Variants in PCDH9 observed in about 807,000 individuals in gnomAD.
The protein encoded by PCDH9 is protocadherin 9.
A neutral mutation model predicts 70.6 loss-of-function variants in PCDH9; 24 were observed. The observed-to-expected ratio is 0.34, with a 90% CI of 0.25 to 0.48. The LOEUF (loss-of-function observed/expected upper bound fraction) is 0.48, where lower values mean the gene tolerates loss of function less well. Ranked by LOEUF, PCDH9 falls within the 20% of genes least tolerant of loss-of-function variation. PCDH9 has a pLI of 0.99. For synonymous variants in PCDH9, 562 were observed against 558.5 expected, an observed-to-expected ratio of 1.01 and a Z score of -0.09; for missense variants, 1,281 against 1,503.6, an observed-to-expected ratio of 0.85 and a Z score of 2.45.
intron 4 of PCDH9, among the ~76,000 whole-genome samples, chr13:66,622,788 C>T (rs558621410): frequency 3.3e-5 from 5 of 152,268 alleles, no homozygotes; most frequent in East Asian, 1.9e-4. Flanking sequence ...AGTGGCAATC[C>T]GCGCTGGTGG....
intron 3 of PCDH9, among the ~76,000 whole-genome samples, chr13:66,898,981 G>C (rs1397849030): frequency 6.6e-6 from 1 of 151,910 alleles, no homozygotes; most frequent in Non-Finnish European, 1.5e-5. Context: ...CAGTTGTCTT[G>C]AATTAGGTAG....
rs1034151514 is a variant in PCDH9, at chr13:66,714,522, G to A, written c.3139-83111C>T. ...TTATAGGAATGAAGAGCAGTTTTACGGTTCAACAAATAAGTAACGGTTATG... is the reference window on the plus strand; with the variant it reads ...TTATAGGAATGAAGAGCAGTTTTACAGTTCAACAAATAAGTAACGGTTATG... On this transcript the variant is annotated intron_variant, in intron 3 of 4. Coordinates refer to ENST00000377865, the MANE Select transcript of PCDH9 (RefSeq NM_203487.3). Among the ~76,000 whole-genome samples the A allele has an allele frequency of 2.7e-4, 41 of 151,532 alleles. 1 individual carries two copies. The highest frequency in any genetic ancestry group is 8.7e-4 in the African/African-American group (36 of 41,372).
chr13:66,325,439 T>C (rs267318), intron 4 of PCDH9, among the ~76,000 whole-genome samples: 151,823 of 152,088 alleles, frequency 1, 75,785 homozygotes, highest in Non-Finnish European at 1. Flanking sequence ...GAAAAGTTTC[T>C]AGAAGCCAAA....
At chr13:66,306,240 C>T (rs768927178) in intron 4 of PCDH9, 1 of 151,652 alleles carries the variant, frequency 6.6e-6, no homozygotes, top group African/African-American at 2.4e-5. Flanking sequence ...TTTGCTAAAA[C>T]CAAAGTTAGC....
chr13:66,330,667 G>C (rs1038289191), intron 4 of PCDH9, among the ~76,000 whole-genome samples: 1 of 152,092 alleles, frequency 6.6e-6, no homozygotes, highest in African/African-American at 2.4e-5. Flanking sequence ...AAATTTTTCT[G>C]GTATAGTAGA....
chr13:66,625,607 A>C (rs1484497069), intron 4 of PCDH9, among the ~76,000 whole-genome samples: 1 of 151,624 alleles, frequency 6.6e-6, no homozygotes, highest in Non-Finnish European at 1.5e-5. Context: ...TTTTTTTCAT[A>C]TATACATATA....
chr13:66,464,165 G>A (rs554957164), intron 4 of PCDH9, among the ~76,000 whole-genome samples: 3 of 151,454 alleles, frequency 2.0e-5, no homozygotes, highest in Middle Eastern at 3.4e-3. Flanking sequence ...CCCAGAATAC[G>A]ATGCAAAGCA....
At chr13:66,680,455 T>C (rs1274093618) in intron 3 of PCDH9, among the ~76,000 whole-genome samples, 1 of 152,034 alleles carries the variant, frequency 6.6e-6, no homozygotes, top group East Asian at 1.9e-4. Flanking sequence ...TGAATTAGTA[T>C]ATTTAATTCT....
intron 2 of PCDH9, among the ~76,000 whole-genome samples, chr13:67,037,164 G>T (rs965392982): frequency 3.9e-5 from 6 of 152,068 alleles, no homozygotes; most frequent in Non-Finnish European, 5.9e-5. Flanking sequence ...GTTTCATAGG[G>T]GCTGAGGGTG....
At chr13:66,769,477 A>G (rs923959728) in intron 3 of PCDH9, among the ~76,000 whole-genome samples, 24 of 149,780 alleles carry the variant, frequency 1.6e-4, no homozygotes, top group African/African-American at 6.0e-4. Context: ...CGTAGTAGCA[A>G]CATGGTTTTT....
At chr13:66,627,296 A>C (rs2077511962) in intron 4 of PCDH9, among the ~76,000 whole-genome samples, 1 of 152,206 alleles carries the variant, frequency 6.6e-6, no homozygotes, top group South Asian at 2.1e-4. Context: ...CACTGAATTC[A>C]AAGGGGACAA....
chr13:66,958,241 CTGAG>C (rs2083293276), intron 2 of PCDH9, among the ~76,000 whole-genome samples: 1 of 152,132 alleles, frequency 6.6e-6, no homozygotes, highest in Non-Finnish European at 1.5e-5. Flanking sequence ...ATCCTGGAGA[CTGAG>C]TATTACAATT....
At chr13:66,407,140 A>G (rs1220558011) in intron 4 of PCDH9, among the ~76,000 whole-genome samples, 3 of 152,184 alleles carry the variant, frequency 2.0e-5, no homozygotes, top group Non-Finnish European at 4.4e-5. Flanking sequence ...CTACTAAATG[A>G]CTTTCATCAT....
At chr13:66,326,307 G>A (rs1317783692) in intron 4 of PCDH9, among the ~76,000 whole-genome samples, 1 of 150,632 alleles carries the variant, frequency 6.6e-6, no homozygotes, top group African/African-American at 2.4e-5. Context: ...AACCTTTTGA[G>A]ATGGAGTCAT....
At chr13:66,802,702 A>G (rs534073108) in intron 3 of PCDH9, among the ~76,000 whole-genome samples, 1 of 152,222 alleles carries the variant, frequency 6.6e-6, no homozygotes, top group East Asian at 1.9e-4. Context: ...TTAATATTTG[A>G]TTTATTAAAT....
chr13:66,704,927 C>A (rs1206429924), intron 3 of PCDH9, among the ~76,000 whole-genome samples: 1 of 152,034 alleles, frequency 6.6e-6, no homozygotes, highest in Non-Finnish European at 1.5e-5. Context: ...TAATGCTAAA[C>A]CCTTTATTAT....
intron 4 of PCDH9, among the ~76,000 whole-genome samples, chr13:66,320,577 ACTCCCAAATGTTCTCC>A (rs1955736035): frequency 6.6e-6 from 1 of 152,024 alleles, no homozygotes; most frequent in East Asian, 1.9e-4. Flanking sequence ...TGTCTGAAAC[ACTCCCAAATGTTCTCC>A]CTTTCAGCAT....
intron 3 of PCDH9, among the ~76,000 whole-genome samples, chr13:66,878,371 G>A (rs1253787693): frequency 6.6e-6 from 1 of 151,534 alleles, no homozygotes. Flanking sequence ...GGATTACAGG[G>A]GCCCGCCACC....
At chr13:66,822,787 T>G (rs1014889515) in intron 3 of PCDH9, among the ~76,000 whole-genome samples, 1 of 152,106 alleles carries the variant, frequency 6.6e-6, no homozygotes, top group African/African-American at 2.4e-5. Flanking sequence ...GGATTACAGG[T>G]GTGAGCCACT....
Sources: allele counts gnomAD v4.1 joint callset (sites outside exome capture counted in the v4.1 genomes callset), GRCh38; gene constraint gnomAD v4.1.1; transcripts MANE v1.5; gene names NCBI Gene and HGNC (gene_info 2026-07-23, HGNC 2026-07-21).